SNED1: variants seen among roughly 807,000 people sequenced by gnomAD.
SNED1 encodes the protein sushi, nidogen and EGF like domains 1.
In SNED1, 81 loss-of-function variants were observed where a neutral mutation model predicts 166.7. The observed-to-expected ratio is 0.49, with a 90% confidence interval of 0.41 to 0.58. The LOEUF is 0.58. Ranked by LOEUF, SNED1 falls within the 20% of genes least tolerant of loss-of-function variation. The pLI, the probability that SNED1 is intolerant of heterozygous loss-of-function variation, is 0.00. For synonymous variants in SNED1, 762 were observed against 822.0 expected, an observed-to-expected ratio of 0.93 and a Z score of 1.25; for missense variants, 1,604 against 2,000.2, an observed-to-expected ratio of 0.80 and a Z score of 3.78.
chr2:241,020,164 T>G (rs571161069), intron 1 of SNED1, among the ~76,000 whole-genome samples: 25 of 152,294 alleles, frequency 1.6e-4, no homozygotes, highest in Admixed American at 4.6e-4. Flanking sequence ...GCCAGAAATA[T>G]TTGCGATCTG....
intron 1 of SNED1, among the ~76,000 whole-genome samples, chr2:241,024,736 A>G (rs772224229): frequency 4.0e-5 from 6 of 149,936 alleles, no homozygotes; most frequent in Non-Finnish European, 8.9e-5. Flanking sequence ...CAATGGTGTG[A>G]TCTTGGCTTA....
intron 31 of SNED1, chr2:241,088,968 C>T (rs1239192055): frequency 3.9e-6 from 1 of 257,502 alleles, no homozygotes; most frequent in Non-Finnish European, 7.4e-6. Context: ...ACACTGGGCT[C>T]ATAGGCATTC....
In SNED1 at chr2:241,052,449, G is replaced by A; in HGVS notation, c.2064G>A (p.Met688Ile). 1 of 1,609,748 alleles carries A rather than the reference G, an allele frequency of 6.2e-7. No homozygotes were observed. The highest frequency in any genetic ancestry group is 8.5e-7 in the Non-Finnish European group (1 of 1,177,932). Reference sequence around the variant, plus strand: ...TCTGCCACTGCCAAGCAGGGTACATGGGACGCCGGTGCCAGGCAGGTGAGA... The same window carrying A: ...TCTGCCACTGCCAAGCAGGGTACATAGGACGCCGGTGCCAGGCAGGTGAGA... ...DFFCHCQAGY[M>I]GRRCQAEVDC... The change falls in exon 15 of 32, where the codon ATG becomes ATA. Residue 688 changes from methionine (M) to isoleucine (I), a missense_variant. By Grantham distance (10) the Met-to-Ile change is conservative (BLOSUM62 1). This residue lies in a region of SNED1 where 1,237 missense variants were observed against 1,620.8 expected (regional missense o/e 0.76). Transcript: ENST00000310397.
rs113259079 is a variant in SNED1, at chr2:241,068,519, G to C, written c.3195-392G>C. Among the ~76,000 whole-genome samples the C allele has an allele frequency of 6.6e-6, 1 of 152,060 alleles. No homozygotes were observed. Among genetic ancestry groups the C allele is most frequent in the African/African-American group, 2.4e-5 (1 of 41,328 alleles). ...AGACTCCAGCCAGCAGCTTCCTGGG[G>C]CTGGGGTGGCATTGGCCTCACGTTG... On this transcript the variant is annotated intron_variant, in intron 22 of 31. Coordinates refer to ENST00000310397, the MANE Select transcript of SNED1 (RefSeq NM_001080437.3). The surrounding 1 kb of genome is among the most constrained non-coding windows in gnomAD (Gnocchi z 5.3).
chr2:241,012,825 C>CTTTT (rs59199140), intron 1 of SNED1, among the ~76,000 whole-genome samples: 3 of 134,882 alleles, frequency 2.2e-5, no homozygotes, highest in Admixed American at 7.2e-5. Context: ...TTTTTTTTTT[C>CTTTT]TTTTTTTTTT....
Position 241,018,123 on chromosome 2 carries a change from A to T in SNED1, c.214-12161A>T, listed in dbSNP as rs1383659089. ...CACGCAACCCGAGTAGCTCTGTCTGAGAACCGCCATTCGCCTTGCCGTGGT... is the reference window on the plus strand; with the variant it reads ...CACGCAACCCGAGTAGCTCTGTCTGTGAACCGCCATTCGCCTTGCCGTGGT... On this transcript the variant is annotated intron_variant, in intron 1 of 31. Coordinates refer to ENST00000310397, the MANE Select transcript of SNED1 (RefSeq NM_001080437.3). This position sits in a 1 kb window ranked among gnomAD's most constrained non-coding sequence, Gnocchi z 5.4. Among the ~76,000 whole-genome samples, 2 of 152,218 alleles carry T rather than the reference A, an allele frequency of 1.3e-5. No individual in the cohort carries two copies. The highest frequency in any genetic ancestry group is 3.8e-4 in the East Asian group (2 of 5,198).
chr2:241,049,216 G>A (rs1015469222), intron 11 of SNED1, 81 bp downstream of exon 11: 5 of 1,070,194 alleles, frequency 4.7e-6, no homozygotes, highest in African/African-American at 3.1e-5. Context: ...GGCAGGCAGA[G>A]GCCAGAGTCC....
chr2:241,045,379 C>A (rs2061619733), intron 8 of SNED1, among the ~76,000 whole-genome samples: 2 of 152,144 alleles, frequency 1.3e-5, no homozygotes, highest in African/African-American at 4.8e-5. Flanking sequence ...TTTGAGGAAT[C>A]ACACTACTGA....
At chr2:241,046,249 T>A (rs1440391160) in intron 8 of SNED1, among the ~76,000 whole-genome samples, 3 of 152,224 alleles carry the variant, frequency 2.0e-5, no homozygotes, top group African/African-American at 7.2e-5. Flanking sequence ...GTTTGGCAGG[T>A]TTTTTATAAG....
At chr2:241,078,648 G>A (rs937807864) in intron 27 of SNED1, among the ~76,000 whole-genome samples, 1 of 151,760 alleles carries the variant, frequency 6.6e-6, no homozygotes, top group South Asian at 2.1e-4. Context: ...TGGAGGGGAT[G>A]GGGAAGGCAG....
chr2:241,026,379 T>C (rs4676001), intron 1 of SNED1, among the ~76,000 whole-genome samples: 7,336 of 152,274 alleles, frequency 0.048, 954 homozygotes, highest in East Asian at 0.36. Flanking sequence ...ATGTCTTTCA[T>C]CAGTTCTGGA....
intron 2 of SNED1, among the ~76,000 whole-genome samples, chr2:241,031,741 CTT>C (rs1254516331): frequency 6.6e-6 from 1 of 152,256 alleles, no homozygotes; most frequent in East Asian, 1.9e-4. Context: ...GCCCTCGCGT[CTT>C]TGTTTGTTTT....
rs1444807098 is a variant in SNED1, at chr2:241,095,058, A to AAGCCCCCC, written c.*3422_*3423insAGCCCCCC. ...GACTCATTGAGTTCCCTAAGGTGAC[A>AAGCCCCCC]CGCCCCCCCCCCCCCCCACACCCAC... On this transcript the variant is annotated 3_prime_UTR_variant, in exon 32 of 32. Coordinates refer to ENST00000310397, the MANE Select transcript of SNED1 (RefSeq NM_001080437.3). 1 of 47,926 alleles carries AAGCCCCCC rather than the reference A, an allele frequency of 2.1e-5. No individual in the cohort carries two copies. The highest frequency in any genetic ancestry group is 1.5e-4 in the African/African-American group (1 of 6,804). 3.0% of individuals were successfully genotyped at this position (47,926 alleles called of 1,614,324 possible).
intron 2 of SNED1, among the ~76,000 whole-genome samples, chr2:241,032,197 G>A (rs753722227): frequency 6.1e-4 from 93 of 152,110 alleles, no homozygotes; most frequent in Non-Finnish European, 9.0e-4. Flanking sequence ...TAAAAATACC[G>A]AAGTCAGCCG....
chr2:241,089,815 C>T (rs1046610237), intron 31 of SNED1, among the ~76,000 whole-genome samples: 41 of 152,280 alleles, frequency 2.7e-4, no homozygotes, highest in Non-Finnish European at 5.9e-5. Context: ...GATGGCACCG[C>T]GTACTGCGCA....
chr2:241,000,230 C>T (rs1036176454), intron 1 of SNED1, among the ~76,000 whole-genome samples: 1 of 152,200 alleles, frequency 6.6e-6, no homozygotes, highest in African/African-American at 2.4e-5. Context: ...TCCTCCACCA[C>T]ATGCCCTCTA....
intron 1 of SNED1, among the ~76,000 whole-genome samples, chr2:241,022,984 A>G (rs2060814908): frequency 6.6e-6 from 1 of 151,986 alleles, no homozygotes; most frequent in Non-Finnish European, 1.5e-5. Flanking sequence ...AGGTTTATGT[A>G]TTTTATTAGT....
intron 24 of SNED1, among the ~76,000 whole-genome samples, chr2:241,070,743 G>A (rs962208727): frequency 2.0e-5 from 3 of 152,236 alleles, no homozygotes; most frequent in East Asian, 3.9e-4. Flanking sequence ...GGCTCCACCA[G>A]GGTCCCGAAC....
chr2:241,021,199 A>G (rs1472598032), intron 1 of SNED1, among the ~76,000 whole-genome samples: 1 of 152,160 alleles, frequency 6.6e-6, no homozygotes, highest in Admixed American at 6.5e-5. Context: ...GCTCCTTGTC[A>G]GTGCCCATTG....
Sources: allele counts gnomAD v4.1 joint callset (sites outside exome capture counted in the v4.1 genomes callset), GRCh38; gene constraint gnomAD v4.1.1; regional missense constraint gnomAD v4.1.1; non-coding constraint Gnocchi (gnomAD v3.1); transcripts MANE v1.5; gene names NCBI Gene and HGNC (gene_info 2026-07-23, HGNC 2026-07-21).